The following HTR2C variants were observed in gnomAD, a reference collection of about 807,000 sequenced individuals.
HTR2C encodes 5-hydroxytryptamine receptor 2C.
A neutral mutation model predicts 21.0 loss-of-function variants in HTR2C; 5 were observed. The observed-to-expected ratio is 0.24, with a 90% CI of 0.12 to 0.50. HTR2C has a LOEUF of 0.50. HTR2C is among the 20% of genes least tolerant of loss of function. The pLI is 0.98. For synonymous variants in HTR2C, 150 were observed against 145.3 expected (o/e 1.03, Z -0.23); for missense variants, 271 against 371.2 (o/e 0.73, Z 2.22).
intron 2 of HTR2C, among the ~76,000 whole-genome samples, chrX:114,629,050 C>A (rs1556403599): frequency 4.5e-5 from 5 of 111,929 alleles, no homozygotes; most frequent in Non-Finnish European, 9.4e-5. Flanking sequence ...TGTTATTTTT[C>A]CATCTTTTTA....
At chrX:114,681,392 TTA>T (rs782789849) in intron 2 of HTR2C, among the ~76,000 whole-genome samples, 5 of 111,145 alleles carry the variant, frequency 4.5e-5, no homozygotes, top group South Asian at 7.6e-4. Flanking sequence ...TTGCTGTATT[TTA>T]TATGTTTCCC....
intron 4 of HTR2C, among the ~76,000 whole-genome samples, chrX:114,823,889 C>T (rs1370692993): frequency 3.6e-5 from 4 of 111,528 alleles, no homozygotes; most frequent in African/African-American, 1.3e-4. Flanking sequence ...TTTATTTAGG[C>T]TAGCCAGAGC....
rs782081991 is a variant in HTR2C at position 114,712,698 on chromosome X, T to C, written c.-79-14160T>C. On this transcript the variant is annotated intron_variant, in intron 2 of 5. Coordinates refer to ENST00000276198, the MANE Select transcript of HTR2C (RefSeq NM_000868.4). ...TTAGATGAGAGAGCTCATGTTGTCGTCAGCTGTTGTTAAGTGGAAGGGATG... is the reference window on the plus strand; with the variant it reads ...TTAGATGAGAGAGCTCATGTTGTCGCCAGCTGTTGTTAAGTGGAAGGGATG... Among the ~76,000 whole-genome samples the C allele has an allele frequency of 2.7e-3, 304 of 111,597 alleles. 4 individuals carry two copies. Among genetic ancestry groups the C allele is most frequent in the Non-Finnish European group, 4.7e-3 (249 of 52,983 alleles).
intron 4 of HTR2C, among the ~76,000 whole-genome samples, chrX:114,773,868 C>T (rs1375290612): frequency 1.8e-5 from 2 of 112,035 alleles, no homozygotes; most frequent in Non-Finnish European, 3.8e-5. Context: ...TTATTTTACA[C>T]AGAGGCTTCC....
intron 5 of HTR2C, among the ~76,000 whole-genome samples, chrX:114,861,311 T>C (rs185302682): frequency 1.8e-5 from 2 of 111,673 alleles, no homozygotes; most frequent in Admixed American, 9.5e-5. Flanking sequence ...TCATTTAGCA[T>C]GTCTTCCAGG....
At chrX:114,602,062 C>T (rs185683807) in intron 1 of HTR2C, among the ~76,000 whole-genome samples, 1,083 of 92,262 alleles carry the variant, frequency 0.012, 15 homozygotes, top group African/African-American at 0.041. Flanking sequence ...TGGGACAACT[C>T]AGGATATCTG....
At chrX:114,678,260 C>T (rs1474475192) in intron 2 of HTR2C, among the ~76,000 whole-genome samples, 1 of 57,950 alleles carries the variant, frequency 1.7e-5, no homozygotes, top group Non-Finnish European at 3.1e-5. Flanking sequence ...TTCTCTTTCC[C>T]TCTCTGTCTG....
chrX:114,861,405 G>A (rs1039201961), intron 5 of HTR2C, among the ~76,000 whole-genome samples: 3 of 110,985 alleles, frequency 2.7e-5, no homozygotes, highest in African/African-American at 6.5e-5. Context: ...ATGTGCCACC[G>A]CTTATTTATT....
intron 4 of HTR2C, among the ~76,000 whole-genome samples, chrX:114,837,617 T>C (rs1266958826): frequency 9.0e-6 from 1 of 110,872 alleles, no homozygotes; most frequent in Non-Finnish European, 1.9e-5. Context: ...ATATTTATCT[T>C]GTATCCAGCC....
intron 4 of HTR2C, among the ~76,000 whole-genome samples, chrX:114,806,619 C>T (rs2070447656): frequency 1.1e-5 from 1 of 93,241 alleles, no homozygotes; most frequent in Non-Finnish European, 2.1e-5. Context: ...ATATATACAC[C>T]ATATATATAC....
Position 114,848,052 on chromosome X carries a change from A to C in HTR2C, c.399A>C (p.Leu133Phe), listed in dbSNP as rs2070888130. 1 of 1,208,888 alleles carries C rather than the reference A, an allele frequency of 8.3e-7. No homozygotes were observed. Among genetic ancestry groups the C allele is most frequent in the Non-Finnish European group, 1.1e-6 (1 of 894,091 alleles). ...PRYLCPVWISLDVLFSTASIM... is the reference protein window; with the variant it reads ...PRYLCPVWISFDVLFSTASIM... ...ATTTGTGCCCCGTCTGGATTTCTTT[A>C]GATGTTTTATTTTCAACAGCGTCCA... is the stretch of plus-strand genomic sequence containing the variant. The change falls in exon 5 of 6, where the codon TTA (leucine) becomes TTC (phenylalanine). Residue 133 changes from leucine to phenylalanine, a missense_variant. Leu to Phe is a conservative substitution (Grantham distance 22). Coordinates refer to ENST00000276198, the MANE Select transcript of HTR2C (RefSeq NM_000868.4).
At chrX:114,730,740 C>T (rs1455776749) in intron 3 of HTR2C, among the ~76,000 whole-genome samples, 1 of 111,518 alleles carries the variant, frequency 9.0e-6, no homozygotes, top group Non-Finnish European at 1.9e-5. Flanking sequence ...TTAAGAAAAT[C>T]CCCCTTCATT....
At chrX:114,899,017 A>G (rs1160836779) in intron 5 of HTR2C, among the ~76,000 whole-genome samples, 3 of 112,285 alleles carry the variant, frequency 2.7e-5, no homozygotes, top group Admixed American at 9.4e-5. Context: ...CTTTCTATCC[A>G]TGAGCATGGA....
chrX:114,607,398 C>T (rs1556397372), intron 1 of HTR2C, among the ~76,000 whole-genome samples: 1 of 111,547 alleles, frequency 9.0e-6, no homozygotes, highest in Non-Finnish European at 1.9e-5. Context: ...GTCACTAGGA[C>T]CTATGGTACA....
At chrX:114,732,651 A>G (rs1413448635) in intron 4 of HTR2C, among the ~76,000 whole-genome samples, 2 of 111,700 alleles carry the variant, frequency 1.8e-5, no homozygotes, top group Non-Finnish European at 3.8e-5. Flanking sequence ...TCGAGTTTCA[A>G]TGATGCATTA....
chrX:114,893,994 C>T (rs1267654549), intron 5 of HTR2C, among the ~76,000 whole-genome samples: 1 of 111,517 alleles, frequency 9.0e-6, no homozygotes, highest in East Asian at 2.8e-4. Flanking sequence ...TGGCTTCACA[C>T]CACTAGAATG....
intron 4 of HTR2C, among the ~76,000 whole-genome samples, chrX:114,793,143 A>G (rs1052940445): frequency 9.0e-6 from 1 of 110,753 alleles, no homozygotes; most frequent in South Asian, 3.8e-4. Flanking sequence ...CCATTTTTCA[A>G]TTTTTGCTTT....
At chrX:114,813,004 A>T (rs2070550118) in intron 4 of HTR2C, among the ~76,000 whole-genome samples, 1 of 111,726 alleles carries the variant, frequency 9.0e-6, no homozygotes, top group Non-Finnish European at 1.9e-5. Context: ...TAAAAATATA[A>T]CATAGACTTA....
At chrX:114,800,714 G>A (rs1468932610) in intron 4 of HTR2C, among the ~76,000 whole-genome samples, 1 of 111,521 alleles carries the variant, frequency 9.0e-6, no homozygotes, top group African/African-American at 3.3e-5. Flanking sequence ...GATATTACTA[G>A]CAGAATCTTT....
Sources: allele counts gnomAD v4.1 joint callset (sites outside exome capture counted in the v4.1 genomes callset), GRCh38; gene constraint gnomAD v4.1.1; transcripts MANE v1.5; gene names NCBI Gene and HGNC (gene_info 2026-07-23, HGNC 2026-07-21).